Variants in RORA observed in about 807,000 individuals in gnomAD.
RORA encodes nuclear receptor ROR-alpha.
In RORA, 7 loss-of-function variants were observed where a neutral mutation model predicts 69.5. The ratio of observed to expected loss-of-function variants is 0.10; its 90% CI spans 0.06 to 0.19. The LOEUF is 0.19. RORA is among the 10% of genes least tolerant of loss of function. The pLI is 1.00. For synonymous variants in RORA, 261 were observed against 240.8 expected, an observed-to-expected ratio of 1.08 and a Z score of -0.78; for missense variants, 457 against 663.0, an observed-to-expected ratio of 0.69 and a Z score of 3.41.
chr15:60,993,138 T>C (rs1894432389), intron 1 of RORA, among the ~76,000 whole-genome samples: 1 of 152,232 alleles, frequency 6.6e-6, no homozygotes, highest in African/African-American at 2.4e-5. Flanking sequence ...TCTTGGATAG[T>C]GGTAACATTT....
chr15:61,220,773 A>C (rs1043752464), intron 1 of RORA, among the ~76,000 whole-genome samples: 2 of 152,224 alleles, frequency 1.3e-5, no homozygotes, highest in Non-Finnish European at 2.9e-5. Context: ...ATAACTTCTC[A>C]AAGTGTCAAC....
intron 2 of RORA, among the ~76,000 whole-genome samples, chr15:60,603,961 C>T (rs2068880776): frequency 6.6e-6 from 1 of 151,764 alleles, no homozygotes; most frequent in African/African-American, 2.4e-5. Flanking sequence ...ATGGTGAAAC[C>T]CCGTCTCTAC....
chr15:60,551,099 G>A (rs2067215651), intron 2 of RORA, among the ~76,000 whole-genome samples: 1 of 152,008 alleles, frequency 6.6e-6, no homozygotes, highest in South Asian at 2.1e-4. Context: ...AATCAATTAA[G>A]AAATAACTAT....
intron 1 of RORA, among the ~76,000 whole-genome samples, chr15:60,807,878 G>A (rs766980120): frequency 2.6e-4 from 40 of 152,156 alleles, no homozygotes; most frequent in Non-Finnish European, 5.9e-5. Flanking sequence ...GCCACATGTA[G>A]GAGAATGAAA....
At chr15:60,956,291 C>G (rs1408661085) in intron 1 of RORA, among the ~76,000 whole-genome samples, 1 of 151,910 alleles carries the variant, frequency 6.6e-6, no homozygotes, top group African/African-American at 2.4e-5. Flanking sequence ...TTATAGTTTA[C>G]AAAACATATT....
intron 1 of RORA, among the ~76,000 whole-genome samples, chr15:60,960,425 C>T (rs770431047): frequency 6.6e-6 from 1 of 152,130 alleles, no homozygotes; most frequent in Non-Finnish European, 1.5e-5. Flanking sequence ...GAGATAGACA[C>T]AGATTTAGGC....
intron 1 of RORA, among the ~76,000 whole-genome samples, chr15:60,957,584 T>C (rs1893304534): frequency 6.6e-6 from 1 of 152,190 alleles, no homozygotes; most frequent in African/African-American, 2.4e-5. Context: ...GAAAGAACAC[T>C]TTGCTCAGTC....
At chr15:60,861,620 C>A (rs529995140) in intron 1 of RORA, among the ~76,000 whole-genome samples, 3 of 152,288 alleles carry the variant, frequency 2.0e-5, no homozygotes, top group African/African-American at 7.2e-5. Context: ...TCACGAGTAC[C>A]TGAGACTACA....
chr15:60,605,605 C>A (rs75756622), intron 2 of RORA, among the ~76,000 whole-genome samples: 50 of 152,156 alleles, frequency 3.3e-4, no homozygotes, highest in African/African-American at 1.2e-3. Flanking sequence ...ATTAATGATA[C>A]GATTTAAGAT....
intron 1 of RORA, among the ~76,000 whole-genome samples, chr15:60,786,158 C>A (rs2072331306): frequency 6.6e-6 from 1 of 152,200 alleles, no homozygotes; most frequent in Non-Finnish European, 1.5e-5. Context: ...TACACGACAT[C>A]ACTACGGTTG....
At chr15:60,945,432 G>C (rs1313789262) in intron 1 of RORA, among the ~76,000 whole-genome samples, 1 of 152,116 alleles carries the variant, frequency 6.6e-6, no homozygotes, top group African/African-American at 2.4e-5. Context: ...CTCCCGTCAG[G>C]GGAAACGTTG....
intron 1 of RORA, among the ~76,000 whole-genome samples, chr15:60,722,689 CA>C (rs561962857): frequency 1.7e-3 from 266 of 152,312 alleles, no homozygotes; most frequent in African/African-American, 6.0e-3. Flanking sequence ...CCAGATCTCA[CA>C]AACAAGGCTG....
chr15:60,928,796 A>C (rs1400584903), intron 1 of RORA, among the ~76,000 whole-genome samples: 1 of 152,118 alleles, frequency 6.6e-6, no homozygotes, highest in African/African-American at 2.4e-5. Context: ...GGCAAGTCTA[A>C]AGTAATGCTG....
At chr15:60,815,663 C>T (rs341371) in intron 1 of RORA, among the ~76,000 whole-genome samples, 27,877 of 150,580 alleles carry the variant, frequency 0.19, 3,142 homozygotes, top group Non-Finnish European at 0.25. Flanking sequence ...CTCCCTGCCC[C>T]GCCACCACTT....
In RORA at chr15:60,488,355, G is replaced by A. The variant is rs1160386636; in HGVS notation, c.*9100C>T. 2.0e-5 allele frequency: 3 copies of A among 152,142 alleles called. No individual in the cohort carries two copies. The highest frequency in any genetic ancestry group is 7.2e-5 in the African/African-American group (3 of 41,430). The allele number at this position is 152,142 out of a possible 1,614,324, so 9.4% of individuals were successfully genotyped here. On this transcript the variant is annotated 3_prime_UTR_variant, in exon 11 of 11. Transcript: ENST00000335670. ...CACATCTAAAATTGATGTGTTCAAT[G>A]CACTTTTAATAAAGGTAATGTAATA...
chr15:60,924,500 C>T (rs111395193), intron 1 of RORA, among the ~76,000 whole-genome samples: 5 of 151,446 alleles, frequency 3.3e-5, no homozygotes, highest in East Asian at 3.9e-4. Flanking sequence ...ATATTTCTTA[C>T]GTGCCTGTAA....
chr15:60,936,845 G>A (rs1023801828), intron 1 of RORA, among the ~76,000 whole-genome samples: 12 of 152,204 alleles, frequency 7.9e-5, no homozygotes, highest in South Asian at 2.1e-4. Flanking sequence ...ATGTCCAGTC[G>A]TTGAGGACTG....
intron 1 of RORA, among the ~76,000 whole-genome samples, chr15:60,883,826 G>A (rs2073719421): frequency 6.6e-6 from 1 of 152,204 alleles, no homozygotes; most frequent in African/African-American, 2.4e-5. Flanking sequence ...AGGGTGTTGA[G>A]TACTTGGAAA....
intron 1 of RORA, among the ~76,000 whole-genome samples, chr15:61,153,954 A>G (rs749182317): frequency 1.7e-4 from 26 of 152,190 alleles, no homozygotes; most frequent in Admixed American, 3.3e-4. Context: ...CTAGCCATTT[A>G]GACACCTTGC....
Sources: allele counts gnomAD v4.1 joint callset (sites outside exome capture counted in the v4.1 genomes callset), GRCh38; gene constraint gnomAD v4.1.1; transcripts MANE v1.5; gene names NCBI Gene and HGNC (gene_info 2026-07-23, HGNC 2026-07-21).